Variants in HPS4 observed in about 807,000 individuals in gnomAD.
HPS4 encodes the protein BLOC-3 complex member HPS4.
A neutral mutation model predicts 70.3 loss-of-function variants in HPS4; 44 were observed. That is an observed-to-expected ratio of 0.63 (90% CI 0.49 to 0.80). The LOEUF (loss-of-function observed/expected upper bound fraction) is 0.80. Ranked by LOEUF, HPS4 falls within the 30% of genes least tolerant of loss-of-function variation. The pLI, the probability that HPS4 is intolerant of heterozygous loss-of-function variation, is 0.00. For missense variants in HPS4, 873 were observed against 884.4 expected (o/e 0.99, Z 0.16); for synonymous variants, 377 against 355.9 (o/e 1.06, Z -0.67).
Position 26,465,457 on chromosome 22 carries a change from T to C in HPS4, c.801A>G (p.Thr267=), listed in dbSNP as rs1373046884. Residue 267 remains threonine (T), a splice_region_variant and synonymous_variant, in exon 10 of 14, where the codon ACA becomes ACG. Coordinates refer to ENST00000398145, the MANE Select transcript of HPS4 (RefSeq NM_022081.6). ...SLHEFPVEQM[T]RSLASPAGLQ... ...TAACTCTCTGTGCACTCCATTACCT[T>C]GTCATCTGTTCCACCGGGAACTCGT... The C allele has an allele frequency of 6.2e-7, 1 of 1,608,386 alleles. No individual in the cohort carries two copies. Among genetic ancestry groups the C allele is most frequent in the Non-Finnish European group, 8.5e-7 (1 of 1,174,954 alleles).
chr22:26,453,363 T>C lies in HPS4; in HGVS notation c.1997A>G (p.Gln666Arg). ...TGCCAGCTGCTGGAAATATGTCTCC[T>C]GGATGGGGTTGCAACAGGCGTACAC... ...TAVYACCNPIQETYFQQLAPA... is the reference protein window; with the variant it reads ...TAVYACCNPIRETYFQQLAPA... Residue 666 changes from glutamine (Q) to arginine (R), a missense_variant, in exon 14 of 14, where the codon CAG (glutamine) becomes CGG (arginine). Gln to Arg is a conservative substitution (Grantham distance 43, BLOSUM62 1). Transcript: ENST00000398145. The C allele has an allele frequency of 6.2e-7, 1 of 1,614,202 alleles. No homozygotes were observed. The highest frequency in any genetic ancestry group is 1.7e-4 in the Middle Eastern group (1 of 6,052).
In HPS4 at chr22:26,457,929, AGC is replaced by A. The variant is rs1569027411; in HGVS notation, c.1883_1884del (p.Arg628LeufsTer10). ...TGCATCAGGCTGACGGCCTGGAGGA[AGC>A]GGCGATCCTGCGGGGTGGCCACCTG... ...LPQVATPQDR[R>X]FLQAVSLMHS... On this transcript the variant is annotated frameshift_variant, in exon 13 of 14. Coordinates refer to ENST00000398145, the MANE Select transcript of HPS4 (RefSeq NM_022081.6). LOFTEE classifies it high-confidence loss of function. The A allele has an allele frequency of 1.9e-6, 3 of 1,614,150 alleles. No individual in the cohort carries two copies. Among genetic ancestry groups the A allele is most frequent in the Non-Finnish European group, 2.5e-6 (3 of 1,180,046 alleles).
intron 13 of HPS4, among the ~76,000 whole-genome samples, chr22:26,456,802 C>A (rs1479727885): frequency 6.6e-6 from 1 of 152,208 alleles, no homozygotes. Flanking sequence ...AGGTCCCAGT[C>A]TCCTCGGGCT....
intron 9 of HPS4, 72 bp downstream of exon 9, chr22:26,466,154 A>T (rs779163882): frequency 8.7e-6 from 14 of 1,612,038 alleles, no homozygotes; most frequent in Non-Finnish European, 1.2e-5. Flanking sequence ...TTTCCTTCGC[A>T]TAACTTGTAC....
chr22:26,457,765 C>T lies in HPS4; in HGVS notation c.1955+94G>A, dbSNP rs1490736109. 3 of 877,666 alleles carry T rather than the reference C, an allele frequency of 3.4e-6. No individual in the cohort carries two copies. The African/African-American group carries it at 4.9e-5, about 14-fold the overall frequency. The allele number at this position is 877,666 out of a possible 1,614,324, so 54.4% of individuals were successfully genotyped here. ...GGAGAGTAACTAGAATGTTTTTCAT[C>T]TACTTAGGAATAAGGCGCTGCCTGG... On this transcript the variant is annotated intron_variant, in intron 13 of 13. Transcript: ENST00000398145.
intron 1 of HPS4, chr22:26,482,646 C>G (rs2091405550): frequency 6.6e-6 from 1 of 152,194 alleles, no homozygotes; most frequent in Non-Finnish European, 1.5e-5. Context: ...TTTCAAACTT[C>G]CACAAGAGAA....
At chr22:26,449,442 G>A (rs571556237), downstream of HPS4, among the ~76,000 whole-genome samples, 20 of 149,640 alleles carry the variant, frequency 1.3e-4, no homozygotes, top group African/African-American at 4.2e-4. Flanking sequence ...GCAATTCTCC[G>A]GCTTCGGCCT....
At chr22:26,483,831 C>A, upstream of HPS4, 1 of 1,281,334 alleles carries the variant, frequency 7.8e-7, no homozygotes, top group Non-Finnish European at 9.9e-7. Flanking sequence ...CAGCTCCTGG[C>A]AAGCCGGCGC....
At chr22:26,448,661 T>A (rs941403950), downstream of HPS4, among the ~76,000 whole-genome samples, 1 of 152,190 alleles carries the variant, frequency 6.6e-6, no homozygotes, top group African/African-American at 2.4e-5. Flanking sequence ...TCCCAGCTCT[T>A]GACAGGATTC....
chr22:26,455,524 T>C (rs1020427644), intron 13 of HPS4, among the ~76,000 whole-genome samples: 14 of 139,022 alleles, frequency 1.0e-4, no homozygotes, highest in Middle Eastern at 4.0e-3. Context: ...TAGGTGGGAA[T>C]TGAACAATGA....
At chr22:26,483,598 T>C (rs959836353) in intron 1 of HPS4, 76 bp downstream of exon 1, 26 of 256,428 alleles carry the variant, frequency 1.0e-4, no homozygotes, top group Admixed American at 7.3e-4. Context: ...GCCTAAGGAT[T>C]AGGCGGGGTC....
chr22:26,462,287 T>C (rs2087458259), intron 11 of HPS4, among the ~76,000 whole-genome samples: 1 of 152,208 alleles, frequency 6.6e-6, no homozygotes, highest in African/African-American at 2.4e-5. Flanking sequence ...CCAGGGGATA[T>C]GGCCATAGAG....
chr22:26,457,983 A>G lies in HPS4; in HGVS notation c.1847-16T>C, dbSNP rs766407420. On this transcript the variant is annotated splice_polypyrimidine_tract_variant and intron_variant, in intron 12 of 13. Coordinates refer to ENST00000398145, the MANE Select transcript of HPS4 (RefSeq NM_022081.6). ...GGCAGGTTTGCTTCCAGAAGAGGAC[A>G]CAGAGTTGTGAAGAGCAGACAGTTA... is the stretch of plus-strand genomic sequence containing the variant. 9 of 1,600,582 alleles carry G rather than the reference A, an allele frequency of 5.6e-6. No individual in the cohort carries two copies. The highest frequency in any genetic ancestry group is 7.7e-6 in the Non-Finnish European group (9 of 1,170,456).
intron 13 of HPS4, among the ~76,000 whole-genome samples, chr22:26,456,399 G>A (rs969119174): frequency 9.9e-5 from 15 of 152,216 alleles, no homozygotes; most frequent in African/African-American, 1.7e-4. Context: ...GGTGGCTCAC[G>A]CCTGTAATCC....
In HPS4 at chr22:26,451,085, C is replaced by T. The variant is rs2085151798; in HGVS notation, c.*2148G>A. ...TGGTCCTGGATCACTGACAGTGGCA[C>T]TCGGTGTCAACTAGGAGTCCAGGGT... is the stretch of plus-strand genomic sequence containing the variant. On this transcript the variant is annotated 3_prime_UTR_variant, in exon 14 of 14. Coordinates refer to ENST00000398145, the MANE Select transcript of HPS4 (RefSeq NM_022081.6). Among the ~76,000 whole-genome samples the T allele has an allele frequency of 6.6e-6, 1 of 152,220 alleles. No individual in the cohort carries two copies. The highest frequency in any genetic ancestry group is 2.4e-5 in the African/African-American group (1 of 41,454).
intron 13 of HPS4, among the ~76,000 whole-genome samples, chr22:26,456,289 TAAG>T (rs200962053): frequency 0.012 from 1,804 of 152,338 alleles, 18 homozygotes; most frequent in Non-Finnish European, 0.02. Context: ...CCCTGCCACT[TAAG>T]AAGAATATAA....
intron 11 of HPS4, among the ~76,000 whole-genome samples, chr22:26,459,595 G>A (rs1272991892): frequency 6.6e-6 from 1 of 152,178 alleles, no homozygotes; most frequent in Non-Finnish European, 1.5e-5. Flanking sequence ...TCCTGGGCCT[G>A]CTTCAGCCAC....
intron 2 of HPS4, 59 bp downstream of exon 2, chr22:26,481,663 C>T: frequency 6.6e-7 from 1 of 1,509,666 alleles, no homozygotes; most frequent in East Asian, 2.3e-5. Flanking sequence ...TTCAATTAAC[C>T]CCAAAACTCT....
intron 8 of HPS4, chr22:26,467,533 A>G (rs889980896): frequency 1.3e-5 from 2 of 152,252 alleles, no homozygotes; most frequent in Non-Finnish European, 2.9e-5. Flanking sequence ...AATTATTAGG[A>G]AAAAAATAAA....
Sources: gnomAD v4.1 joint callset for allele counts (sites outside exome capture counted in the v4.1 genomes callset) on GRCh38, gnomAD v4.1.1 for gene constraint, MANE v1.5 for transcripts, NCBI Gene and HGNC (gene_info 2026-07-23, HGNC 2026-07-21) for gene names.